KLF8: variants seen among roughly 807,000 people sequenced by gnomAD.
KLF8 encodes the protein Krueppel-like factor 8.
KLF8 carries 10 observed loss-of-function variants against 18.2 expected under a neutral mutation model. The ratio of observed to expected loss-of-function variants is 0.55; its 90% CI spans 0.34 to 0.93. The LOEUF is 0.93. KLF8 is among the 40% of genes least tolerant of loss of function. The pLI is 0.02. For missense variants in KLF8, 264 were observed against 277.9 expected (o/e 0.95, Z 0.36); for synonymous variants, 109 against 97.3 (o/e 1.12, Z -0.71).
intron 1 of KLF8, among the ~76,000 whole-genome samples, chrX:56,245,977 G>A (rs2066617895): frequency 8.9e-6 from 1 of 111,906 alleles, no homozygotes; most frequent in Admixed American, 9.5e-5. Flanking sequence ...ATTTAAAAAA[G>A]GAGGTTATAT....
chrX:55,933,631 GA>G, the KLF8 span, among the ~76,000 whole-genome samples: 3 of 111,745 alleles, frequency 2.7e-5, no homozygotes, highest in Admixed American at 1.9e-4. Context: ...TGATAATTTA[GA>G]ATTACTCAGC....
the KLF8 span, among the ~76,000 whole-genome samples, chrX:56,080,751 C>G: frequency 1.8e-5 from 2 of 111,877 alleles, no homozygotes; most frequent in Non-Finnish European, 3.8e-5. Flanking sequence ...TGTTTTCCAA[C>G]TTGGTTCCAT....
At chrX:56,039,745 A>T in the KLF8 span, among the ~76,000 whole-genome samples, 2 of 111,264 alleles carry the variant, frequency 1.8e-5, no homozygotes, top group African/African-American at 6.5e-5. Flanking sequence ...TTTCAGAATC[A>T]TTTTTTCTAA....
chrX:55,915,951 C>G, the KLF8 span, among the ~76,000 whole-genome samples: 6 of 111,960 alleles, frequency 5.4e-5, no homozygotes, highest in Admixed American at 5.7e-4. Context: ...TATTTCTTCT[C>G]TCTTAGCAAA....
At chrX:55,997,032 A>G in the KLF8 span, among the ~76,000 whole-genome samples, 2 of 111,720 alleles carry the variant, frequency 1.8e-5, no homozygotes, top group Non-Finnish European at 3.8e-5. Flanking sequence ...GAGCAGCTGT[A>G]TGCTTGCAGG....
At chrX:56,179,148 G>T in the KLF8 span, among the ~76,000 whole-genome samples, 1 of 111,816 alleles carries the variant, frequency 8.9e-6, no homozygotes, top group Non-Finnish European at 1.9e-5. Flanking sequence ...CCATTTGTTT[G>T]TGCCCTCTTT....
At chrX:56,152,369 T>C in the KLF8 span, among the ~76,000 whole-genome samples, 1 of 111,134 alleles carries the variant, frequency 9.0e-6, no homozygotes, top group East Asian at 2.8e-4. Flanking sequence ...CTAAGCCCTG[T>C]AGACAAATGG....
At chrX:55,949,834 C>G in the KLF8 span, among the ~76,000 whole-genome samples, 1 of 110,144 alleles carries the variant, frequency 9.1e-6, no homozygotes, top group Non-Finnish European at 1.9e-5. Flanking sequence ...GAAGCTTTAG[C>G]TTTTGATGCC....
the KLF8 span, among the ~76,000 whole-genome samples, chrX:56,080,839 A>T: frequency 0.08 from 8,789 of 110,401 alleles, 894 homozygotes; most frequent in African/African-American, 0.28. Context: ...TTGGAGGCTT[A>T]GCTCATTTAT....
the KLF8 span, among the ~76,000 whole-genome samples, chrX:56,215,028 G>A: frequency 8.9e-6 from 1 of 112,230 alleles, no homozygotes; most frequent in Non-Finnish European, 1.9e-5. Context: ...AGAGGTAAGC[G>A]GCCAAGTTGA....
chrX:55,960,606 A>AG, the KLF8 span, among the ~76,000 whole-genome samples: 1 of 17,357 alleles, frequency 5.8e-5, no homozygotes, highest in Admixed American at 2.0e-3. Flanking sequence ...AGAAGGAGAA[A>AG]AAAAGAAGAA....
chrX:56,220,863 T>C, the KLF8 span, among the ~76,000 whole-genome samples: 1 of 112,870 alleles, frequency 8.9e-6, no homozygotes. Flanking sequence ...AAAAAAGTGC[T>C]ATTATTCACA....
At chrX:56,160,541 A>T in the KLF8 span, among the ~76,000 whole-genome samples, 4 of 111,379 alleles carry the variant, frequency 3.6e-5, no homozygotes, top group African/African-American at 6.5e-5. Context: ...TTTGTAGGTT[A>T]CTAAGGACTT....
At chrX:56,041,003 T>C in the KLF8 span, among the ~76,000 whole-genome samples, 12 of 103,652 alleles carry the variant, frequency 1.2e-4, no homozygotes, top group Non-Finnish European at 2.4e-4. Context: ...GGTGCATGTG[T>C]CCAGGAATTT....
the KLF8 span, among the ~76,000 whole-genome samples, chrX:56,023,228 TAAGA>T: frequency 3.2e-4 from 36 of 111,790 alleles, no homozygotes; most frequent in South Asian, 0.012. Context: ...AAAATATTTA[TAAGA>T]AAGAAGACAG....
chrX:55,972,491 A>G, the KLF8 span, among the ~76,000 whole-genome samples: 1 of 111,374 alleles, frequency 9.0e-6, no homozygotes, highest in Non-Finnish European at 1.9e-5. Context: ...ATCATAGTCA[A>G]TAATGATTTA....
chrX:56,059,679 T>C, the KLF8 span, among the ~76,000 whole-genome samples: 1 of 111,651 alleles, frequency 9.0e-6, no homozygotes, highest in Non-Finnish European at 1.9e-5. Context: ...TGTGGCATTA[T>C]ATCTGAGGCC....
At chrX:56,193,109 A>T in the KLF8 span, among the ~76,000 whole-genome samples, 2 of 112,532 alleles carry the variant, frequency 1.8e-5, no homozygotes. Flanking sequence ...TAAGGGACTC[A>T]AACAACTCTT....
the KLF8 span, chrX:55,961,837 C>T: frequency 2.3e-5 from 6 of 266,270 alleles, no homozygotes; most frequent in Non-Finnish European, 4.2e-5. Flanking sequence ...TGCCCATAAT[C>T]CCATGGGAGT....
Sources: gnomAD v4.1 joint callset for allele counts (sites outside exome capture counted in the v4.1 genomes callset) on GRCh38, gnomAD v4.1.1 for gene constraint, MANE v1.5 for transcripts, NCBI Gene and HGNC (gene_info 2026-07-23, HGNC 2026-07-21) for gene names.